ATP11A: variants seen among roughly 807,000 people sequenced by gnomAD.
ATP11A encodes phospholipid-transporting ATPase IH.
Under a neutral mutation model 154.4 loss-of-function variants are expected in ATP11A, and 81 were observed. The ratio of observed to expected loss-of-function variants is 0.52; its 90% CI spans 0.44 to 0.63. ATP11A has a LOEUF of 0.63. Ranked by LOEUF, ATP11A falls within the 30% of genes least tolerant of loss-of-function variation. The pLI is 0.00. For missense variants in ATP11A, 1,316 were observed against 1,474.3 expected (o/e 0.89, Z 1.76); for synonymous variants, 623 against 585.9 (o/e 1.06, Z -0.91).
intron 5 of ATP11A, among the ~76,000 whole-genome samples, chr13:112,815,751 G>A (rs1382457373): frequency 2.0e-5 from 3 of 152,172 alleles, no homozygotes; most frequent in South Asian, 2.1e-4. Flanking sequence ...TTCATAAAAC[G>A]CCTAGATTTA....
In ATP11A at chr13:112,785,564, T is replaced by C. The variant is rs1428391030; in HGVS notation, c.162+307T>C. ...GATCCAAACCCTACCCAGGTCCCACTTCTGAGGCGCCTGGCCACGTGCTTG... is the reference window on the plus strand; with the variant it reads ...GATCCAAACCCTACCCAGGTCCCACCTCTGAGGCGCCTGGCCACGTGCTTG... On this transcript the variant is annotated intron_variant, in intron 2 of 29. Transcript: ENST00000375645. The surrounding 1 kb of genome is among the most constrained non-coding windows in gnomAD (Gnocchi z 4.8). 1.3e-5 allele frequency among the ~76,000 whole-genome samples: 2 copies of C among 152,004 alleles called. No homozygotes were observed. The highest frequency in any genetic ancestry group is 2.9e-5 in the Non-Finnish European group (2 of 68,000).
intron 1 of ATP11A, among the ~76,000 whole-genome samples, chr13:112,777,992 C>T (rs1056594454): frequency 1.3e-5 from 2 of 152,254 alleles, no homozygotes; most frequent in African/African-American, 4.8e-5. Flanking sequence ...CATGTGCAGG[C>T]GCCTCTGTCT....
intron 5 of ATP11A, among the ~76,000 whole-genome samples, chr13:112,813,778 C>T (rs375678181): frequency 1.6e-4 from 24 of 152,010 alleles, no homozygotes; most frequent in Non-Finnish European, 3.2e-4. Flanking sequence ...CCTGATGTCT[C>T]GGTGCAGCTT....
At chr13:112,869,839 T>C (rs1384134456) in intron 25 of ATP11A, among the ~76,000 whole-genome samples, 2 of 152,236 alleles carry the variant, frequency 1.3e-5, no homozygotes, top group Non-Finnish European at 1.5e-5. Context: ...GATATTTTCC[T>C]GCCCCAGAAG....
chr13:112,859,911 C>G lies in ATP11A; in HGVS notation c.2728-376C>G, dbSNP rs2080051920. ...TCCCCGGGCATCTGCCCTAGATGGA[C>G]ACCTCCTTCTGTCACATGTGTGCTC... On this transcript the variant is annotated intron_variant, in intron 23 of 29. Transcript: ENST00000375645. The surrounding 1 kb of genome is among the most constrained non-coding windows in gnomAD (Gnocchi z 4.3). Among the ~76,000 whole-genome samples the G allele has an allele frequency of 1.3e-5, 2 of 152,250 alleles. No homozygotes were observed. The highest frequency in any genetic ancestry group is 4.8e-5 in the African/African-American group (2 of 41,472).
At chr13:112,836,458 G>A (rs920566024) in intron 16 of ATP11A, among the ~76,000 whole-genome samples, 1 of 151,994 alleles carries the variant, frequency 6.6e-6, no homozygotes, top group Non-Finnish European at 1.5e-5. Context: ...AGGAGTCCTG[G>A]GCTAAACATC....
intron 3 of ATP11A, 54 bp downstream of exon 3, chr13:112,805,100 AT>A: frequency 7.4e-7 from 1 of 1,350,654 alleles, no homozygotes; most frequent in Middle Eastern, 1.8e-4. Context: ...AATAAGTGAC[AT>A]TTTATTCTCA....
chr13:112,802,627 C>T (rs371698840), intron 2 of ATP11A, among the ~76,000 whole-genome samples: 1 of 148,526 alleles, frequency 6.7e-6, no homozygotes, highest in East Asian at 2.0e-4. Context: ...AAAATTAGCT[C>T]AAAGTGAGTC....
At chr13:112,817,230 T>TA (rs934056027) in intron 6 of ATP11A, among the ~76,000 whole-genome samples, 1 of 152,246 alleles carries the variant, frequency 6.6e-6, no homozygotes, top group Non-Finnish European at 1.5e-5. Context: ...ATTGCAACTC[T>TA]AAAATGGTAT....
chr13:112,781,726 C>G (rs768709740), intron 1 of ATP11A, among the ~76,000 whole-genome samples: 8 of 136,008 alleles, frequency 5.9e-5, no homozygotes, highest in Non-Finnish European at 1.1e-4. Context: ...GCTGCTCTGT[C>G]TATGGAGTAG....
In ATP11A at chr13:112,830,768, A is replaced by G. The variant is rs115046886; in HGVS notation, c.1222-607A>G. On this transcript the variant is annotated intron_variant, in intron 12 of 29. Transcript: ENST00000375645. ...CGTGCGTTCCAGAACTCCTACCTTC[A>G]GTTATTCACGATAAACGTGTGACCC... Among the ~76,000 whole-genome samples the G allele has an allele frequency of 3.5e-3, 532 of 152,298 alleles. 4 individuals carry two copies. The highest frequency in any genetic ancestry group is 0.011 in the African/African-American group (461 of 41,560).
At chr13:112,797,023 G>GGCTAAGGT (rs2078017365) in intron 2 of ATP11A, among the ~76,000 whole-genome samples, 1 of 152,196 alleles carries the variant, frequency 6.6e-6, no homozygotes, top group South Asian at 2.1e-4. Context: ...CGCTTTGGGA[G>GGCTAAGGT]GCTAAGGTGG....
chr13:112,879,072 G>T (rs974217819), intron 29 of ATP11A, among the ~76,000 whole-genome samples: 1 of 152,226 alleles, frequency 6.6e-6, no homozygotes, highest in African/African-American at 2.4e-5. Flanking sequence ...GATTGCAGGG[G>T]CCTGCACGCC....
intron 6 of ATP11A, among the ~76,000 whole-genome samples, chr13:112,817,006 T>A (rs2078663761): frequency 6.6e-6 from 1 of 152,166 alleles, no homozygotes; most frequent in African/African-American, 2.4e-5. Flanking sequence ...TAGTCAGGAT[T>A]TTCTGAAATT....
At chr13:112,880,986 G>A (rs904788977) in intron 29 of ATP11A, 16 of 991,530 alleles carry the variant, frequency 1.6e-5, no homozygotes, top group East Asian at 2.2e-4. Context: ...AGGAAGGACC[G>A]TGCTTTGAAA....
At chr13:112,764,700 T>C (rs2077034530) in intron 1 of ATP11A, among the ~76,000 whole-genome samples, 1 of 152,176 alleles carries the variant, frequency 6.6e-6, no homozygotes, top group Non-Finnish European at 1.5e-5. Flanking sequence ...AGGGTTTGTG[T>C]CCCCTTGATG....
At chr13:112,852,676 C>T (rs759966689) in intron 18 of ATP11A, among the ~76,000 whole-genome samples, 8 of 150,446 alleles carry the variant, frequency 5.3e-5, no homozygotes, top group African/African-American at 1.7e-4. Flanking sequence ...GGTGGAGGAG[C>T]GTGGGGATGC....
rs555290601 is a variant in ATP11A, at chr13:112,710,620, T to A, written c.39+20165T>A. 7.7e-4 allele frequency among the ~76,000 whole-genome samples: 118 copies of A among 152,358 alleles called. 1 individual carries two copies. The South Asian group carries it at 8.1e-3, about 10-fold the overall frequency. On this transcript the variant is annotated intron_variant, in intron 1 of 29. Coordinates refer to ENST00000375645, the MANE Select transcript of ATP11A (RefSeq NM_015205.3). ...GCCCCGCAGGGCTGAGCTGCTGGGT[T>A]TTCCTGGGCCTGGGCTGCTCTCTGG...
intron 1 of ATP11A, among the ~76,000 whole-genome samples, chr13:112,784,200 G>A (rs143022621): frequency 0.012 from 1,853 of 152,362 alleles, 18 homozygotes; most frequent in Non-Finnish European, 0.019. Context: ...TTAAGGGGTG[G>A]TTTATGCAGA....
Sources: allele counts gnomAD v4.1 joint callset (sites outside exome capture counted in the v4.1 genomes callset), GRCh38; gene constraint gnomAD v4.1.1; non-coding constraint Gnocchi (gnomAD v3.1); transcripts MANE v1.5; gene names NCBI Gene and HGNC (gene_info 2026-07-23, HGNC 2026-07-21).